LMF1: variants seen among roughly 807,000 people sequenced by gnomAD.
LMF1 encodes the protein transmembrane protein 112.
A neutral mutation model predicts 60.6 loss-of-function variants in LMF1; 68 were observed. That is an observed-to-expected ratio of 1.12 (90% confidence interval 0.92 to 1.37). LMF1 has a LOEUF of 1.37. Ranked by LOEUF, LMF1 falls within the 40% of genes most tolerant of loss-of-function variation. The probability of loss-of-function intolerance (pLI) is 0.00; values close to 1 mark genes in which losing one functional copy is unlikely to be tolerated. For synonymous variants in LMF1, 418 were observed against 324.7 expected (o/e 1.29, Z -3.09); for missense variants, 948 against 767.2 (o/e 1.24, Z -2.78).
intron 1 of LMF1, 60 bp from the exon 2 acceptor site, chr16:954,726 G>T: frequency 6.7e-7 from 1 of 1,487,572 alleles, no homozygotes; most frequent in Non-Finnish European, 9.0e-7. Flanking sequence ...TGGACACCAT[G>T]GGCGCAGCTC....
intron 6 of LMF1, among the ~76,000 whole-genome samples, chr16:875,236 C>T (rs1005046429): frequency 1.3e-5 from 2 of 152,090 alleles, no homozygotes; most frequent in East Asian, 3.9e-4. Flanking sequence ...AGCATCCCCA[C>T]TGTCCACCGC....
intron 2 of LMF1, chr16:952,782 C>T (rs964775494): frequency 5.7e-6 from 1 of 174,722 alleles, no homozygotes; most frequent in East Asian, 1.9e-4. Flanking sequence ...CAGACACCCA[C>T]CCCAAACCAG....
rs966810491 is a variant in LMF1 at position 874,995 on chromosome 16, G to T, written c.898-3654C>A. On this transcript the variant is annotated intron_variant, in intron 6 of 10. Coordinates refer to ENST00000262301, the MANE Select transcript of LMF1 (RefSeq NM_022773.4). The surrounding 1 kb of genome is among the most constrained non-coding windows in gnomAD (Gnocchi z 4.1). Reference sequence around the variant, plus strand: ...TGAGGGGGCAGGATACATCGCAGCCGGGACTGCCGGCCGACCATCTTGTCT... The same window carrying T: ...TGAGGGGGCAGGATACATCGCAGCCTGGACTGCCGGCCGACCATCTTGTCT... 1.3e-5 allele frequency among the ~76,000 whole-genome samples: 2 copies of T among 152,166 alleles called. No homozygotes were observed. The highest frequency in any genetic ancestry group is 2.9e-5 in the Non-Finnish European group (2 of 68,022).
intron 1 of LMF1, among the ~76,000 whole-genome samples, chr16:956,844 CAAA>C (rs34529324): frequency 0.088 from 10,539 of 119,406 alleles, 459 homozygotes; most frequent in South Asian, 0.16. Flanking sequence ...AACTCCATCT[CAAA>C]AAAAAAAAAA....
chr16:875,267 G>A (rs965232583), intron 6 of LMF1, among the ~76,000 whole-genome samples: 17 of 152,066 alleles, frequency 1.1e-4, no homozygotes, highest in African/African-American at 2.9e-4. Flanking sequence ...ACCAGGCAGC[G>A]GACTCCAAAA....
At chr16:971,026 C>G (rs2073041360), upstream of LMF1, 1 of 1,362,476 alleles carries the variant, frequency 7.3e-7, no homozygotes, top group African/African-American at 1.5e-5. Context: ...TTCTCGGAGG[C>G]CCCGCCCATT....
At chr16:868,720 G>C (rs1171333385) in intron 10 of LMF1, among the ~76,000 whole-genome samples, 1 of 148,488 alleles carries the variant, frequency 6.7e-6, no homozygotes, top group East Asian at 2.0e-4. Context: ...GGTTTGGTTT[G>C]AGGTGGGCTA....
chr16:860,272 C>T (rs575818141), intron 10 of LMF1, among the ~76,000 whole-genome samples: 97 of 152,078 alleles, frequency 6.4e-4, no homozygotes, highest in Non-Finnish European at 1.2e-3. Context: ...TTTCCTTTCA[C>T]AGATCATCTT....
chr16:981,343 A>AGAGT (rs2073366243), upstream of LMF1: 3 of 232,952 alleles, frequency 1.3e-5, no homozygotes, highest in East Asian at 4.5e-4. Flanking sequence ...AGAGAGAGAG[A>AGAGT]GAGAGTGTGT....
upstream of LMF1, among the ~76,000 whole-genome samples, chr16:974,078 C>T (rs967908442): frequency 3.9e-5 from 6 of 152,074 alleles, no homozygotes; most frequent in African/African-American, 1.2e-4. Flanking sequence ...GTTTCAGAAT[C>T]GCCCGGAAGG....
At chr16:965,297 C>T (rs34984817) in intron 1 of LMF1, among the ~76,000 whole-genome samples, 2,119 of 152,270 alleles carry the variant, frequency 0.014, 41 homozygotes, top group Non-Finnish European at 0.015. Context: ...GGCCCCCACC[C>T]GCCCTGTTTG....
intron 2 of LMF1, 138 bp from the exon 3 acceptor site, chr16:934,392 C>T (rs917363308): frequency 2.8e-6 from 3 of 1,056,410 alleles, no homozygotes; most frequent in Non-Finnish European, 4.2e-6. Flanking sequence ...GAGGACCTGC[C>T]CGCTGGGCAT....
chr16:921,476 T>C (rs1272663519), intron 3 of LMF1, among the ~76,000 whole-genome samples: 1 of 152,168 alleles, frequency 6.6e-6, no homozygotes, highest in African/African-American at 2.4e-5. Flanking sequence ...GCGGAGTGTG[T>C]GGGGGCAGGG....
chr16:942,921 G>A (rs566608342), intron 2 of LMF1, among the ~76,000 whole-genome samples: 1 of 152,162 alleles, frequency 6.6e-6, no homozygotes. Context: ...TTTTCTGTTT[G>A]TTCTTTAGCT....
At chr16:893,262 C>A in intron 4 of LMF1, 190 bp from the exon 5 acceptor site, 1 of 682,350 alleles carries the variant, frequency 1.5e-6, no homozygotes, top group Non-Finnish European at 2.7e-6. Flanking sequence ...AGATTCAGGG[C>A]TGCTTTGAGG....
At chr16:912,261 G>A (rs1037137275) in intron 3 of LMF1, among the ~76,000 whole-genome samples, 4 of 152,168 alleles carry the variant, frequency 2.6e-5, no homozygotes, top group South Asian at 2.1e-4. Context: ...CAGAGCAGAT[G>A]GGAGAGTGCG....
chr16:883,609 G>A (rs1390096756), intron 5 of LMF1, among the ~76,000 whole-genome samples: 1 of 152,206 alleles, frequency 6.6e-6, no homozygotes, highest in Non-Finnish European at 1.5e-5. Flanking sequence ...CCCAGACAGG[G>A]CTCAGCACTC....
In LMF1 at chr16:878,759, G is replaced by T. The variant is rs1398231424; in HGVS notation, c.897+811C>A. ...CAGGGGAAGGGCGGGGGCAGGGGCG[G>T]GCAGGGCAGGGGAAGGGGCGTGGGA... On this transcript the variant is annotated intron_variant, in intron 6 of 10. Coordinates refer to ENST00000262301, the MANE Select transcript of LMF1 (RefSeq NM_022773.4). This position sits in a 1 kb window ranked among gnomAD's most constrained non-coding sequence, Gnocchi z 5.2. 6.6e-6 allele frequency among the ~76,000 whole-genome samples: 1 copy of T among 151,762 alleles called. No individual in the cohort carries two copies. Among genetic ancestry groups the T allele is most frequent in the Non-Finnish European group, 1.5e-5 (1 of 67,914 alleles).
At position 869,032 on chromosome 16, in the gene LMF1, T is replaced by C. The variant is rs778756884; in HGVS notation, c.1441A>G (p.Ile481Val). ...FQTYEHNDWI[I>V]HLAGKLLASD... The stretch of plus-strand genomic sequence containing the variant: ...GCCAGGAGCTTGCCAGCCAGGTGGA[T>C]GATCCAGTCGTTGTGCTCGTAGGTC... Residue 481 changes from isoleucine to valine, a missense_variant, in exon 10 of 11, where the codon ATC (isoleucine) becomes GTC (valine). Coordinates refer to ENST00000262301, the MANE Select transcript of LMF1 (RefSeq NM_022773.4). The C allele has an allele frequency of 3.1e-6, 5 of 1,612,446 alleles. No homozygotes were observed. Among genetic ancestry groups the C allele is most frequent in the Non-Finnish European group, 4.2e-6 (5 of 1,179,582 alleles).
Sources: gnomAD v4.1 joint callset for allele counts (sites outside exome capture counted in the v4.1 genomes callset) on GRCh38, gnomAD v4.1.1 for gene constraint, Gnocchi (gnomAD v3.1) non-coding constraint, MANE v1.5 for transcripts, NCBI Gene and HGNC (gene_info 2026-07-23, HGNC 2026-07-21) for gene names.